The following FLT4 variants were observed in gnomAD, a reference collection of about 807,000 sequenced individuals.
FLT4 encodes the protein fms related receptor tyrosine kinase 4, also known as vascular endothelial growth factor receptor 3.
A neutral mutation model predicts 163.2 loss-of-function variants in FLT4; 30 were observed. The observed-to-expected ratio is 0.18, with a 90% CI of 0.14 to 0.25. FLT4 has a LOEUF of 0.25. FLT4 is among the 10% of genes least tolerant of loss of function. The pLI is 1.00. For missense variants in FLT4, 1,510 were observed against 1,863.8 expected (o/e 0.81, Z 3.50); for synonymous variants, 884 against 789.5 (o/e 1.12, Z -2.01).
chr5:180,650,123 G>T (rs1412317651), upstream of FLT4, among the ~76,000 whole-genome samples: 1 of 146,364 alleles, frequency 6.8e-6, no homozygotes, highest in Non-Finnish European at 1.5e-5. Context: ...GGGAGAAGGA[G>T]GTTGCAGTGA....
At position 180,630,480 on chromosome 5, in the gene FLT4, G is replaced by T. The variant is rs1764016114; in HGVS notation, c.400+75C>A. The T allele has an allele frequency of 6.2e-7, 1 of 1,601,182 alleles. No homozygotes were observed. The highest frequency in any genetic ancestry group is 1.7e-5 in the Admixed American group (1 of 59,274). ...CGTTCTCTCCTCCTGCCAGCCCAGG[G>T]TCCACAGGCTGGGGGCGGTGTGGGC... On this transcript the variant is annotated intron_variant, in intron 3 of 29. Coordinates refer to ENST00000261937, the MANE Select transcript of FLT4 (RefSeq NM_182925.5). This position sits in a 1 kb window ranked among gnomAD's most constrained non-coding sequence, Gnocchi z 6.3.
chr5:180,645,736 A>G (rs1765460828), intron 1 of FLT4, among the ~76,000 whole-genome samples: 1 of 152,166 alleles, frequency 6.6e-6, no homozygotes, highest in African/African-American at 2.4e-5. Context: ...GAATGCCCGC[A>G]TCTTCCTGCT....
At chr5:180,611,578 C>A in intron 26 of FLT4, 99 bp from the exon 27 acceptor site, 1 of 1,314,862 alleles carries the variant, frequency 7.6e-7, no homozygotes, top group Non-Finnish European at 1.1e-6. Context: ...TCAGCCCTCA[C>A]CCCCGCCCTC....
intron 10 of FLT4, 23 bp from the exon 11 acceptor site, chr5:180,624,084 G>C (rs1763404782): frequency 6.2e-7 from 1 of 1,608,748 alleles, no homozygotes; most frequent in African/African-American, 1.3e-5. Context: ...GAAGAGGCAA[G>C]GGCAGGTCAG....
rs1762423362 is a variant in FLT4, at chr5:180,614,050, A to T, written c.3331+18T>A. On this transcript the variant is annotated intron_variant, in intron 24 of 29. Coordinates refer to ENST00000261937, the MANE Select transcript of FLT4 (RefSeq NM_182925.5). Reference sequence around the variant, plus strand: ...GACCTCGCCTCCTCTCCCCACCGGCACCCCATCCTGCACTCACCCAGAGAG... The same window carrying T: ...GACCTCGCCTCCTCTCCCCACCGGCTCCCCATCCTGCACTCACCCAGAGAG... 2 of 1,559,946 alleles carry T rather than the reference A, an allele frequency of 1.3e-6. No homozygotes were observed. Among genetic ancestry groups the T allele is most frequent in the Admixed American group, 1.7e-5 (1 of 59,958 alleles).
intron 8 of FLT4, among the ~76,000 whole-genome samples, chr5:180,626,774 G>A (rs1019486536): frequency 2.0e-5 from 3 of 152,224 alleles, no homozygotes; most frequent in Non-Finnish European, 4.4e-5. Context: ...TCCTTGACAT[G>A]TGCGTGGCCC....
rs762440091 is a variant in FLT4 at position 180,620,225 on chromosome 5, G to A, written c.2490C>T (p.Tyr830=). The A allele has an allele frequency of 4.2e-5, 68 of 1,611,504 alleles. No individual in the cohort carries two copies. Among genetic ancestry groups the A allele is most frequent in the Non-Finnish European group, 5.7e-5 (67 of 1,179,984 alleles). Residue 830 remains tyrosine (Y), a synonymous_variant, in exon 17 of 30, where the codon TAC becomes TAT. Transcript: ENST00000261937. This position sits in a 1 kb window ranked among gnomAD's most constrained non-coding sequence, Gnocchi z 4.4. Reference sequence around the variant, plus strand: ...CCCACTGGCTGGCATCGTAGGACAGGTATTCGCATTGCTCCTCCAGAGGCA... The same window carrying A: ...CCCACTGGCTGGCATCGTAGGACAGATATTCGCATTGCTCCTCCAGAGGCA... ...GEVPLEEQCE[Y]LSYDASQWEF...
rs777487923 is a variant in FLT4 at position 180,621,524 on chromosome 5, C to G, written c.2020+18G>C. 2 of 1,610,518 alleles carry G rather than the reference C, an allele frequency of 1.2e-6. No homozygotes were observed. Among genetic ancestry groups the G allele is most frequent in the South Asian group, 2.2e-5 (2 of 90,902 alleles). On this transcript the variant is annotated intron_variant, in intron 13 of 29. Coordinates refer to ENST00000261937, the MANE Select transcript of FLT4 (RefSeq NM_182925.5). ...CTAGAAGAGAGCGCGTCCCCGCCCT[C>G]CCCGCGGCCAGCCTCACCCTGCACC...
At chr5:180,624,354 G>A (rs917571164) in intron 10 of FLT4, among the ~76,000 whole-genome samples, 1 of 151,840 alleles carries the variant, frequency 6.6e-6, no homozygotes, top group Admixed American at 6.6e-5. Flanking sequence ...AGCCTCCCAA[G>A]TAGCTGGGAT....
chr5:180,619,899 A>G lies in FLT4; in HGVS notation c.2543-130T>C, dbSNP rs1028692536. 6 of 727,768 alleles carry G rather than the reference A, an allele frequency of 8.2e-6. No individual in the cohort carries two copies. In the African/African-American group the frequency reaches 1.0e-4, roughly 13 times the overall value. 45.1% of individuals were successfully genotyped at this position (727,768 alleles called of 1,614,324 possible). On this transcript the variant is annotated intron_variant, in intron 17 of 29. Coordinates refer to ENST00000261937, the MANE Select transcript of FLT4 (RefSeq NM_182925.5). ...CAGCAGGAGGAGCGTGGGGAGCCAC[A>G]GCGGGAAGACAAGGAGAGGTGGACA...
intron 26 of FLT4, 46 bp from the exon 27 acceptor site, chr5:180,611,525 T>TGCCCTCAGCCCTCACCCCC: frequency 6.2e-7 from 1 of 1,607,064 alleles, no homozygotes. Context: ...CACCAGCCAC[T>TGCCCTCAGCCCTCACCCCC]GCCCTCAGCC....
intron 13 of FLT4, 124 bp downstream of exon 13, chr5:180,621,418 G>C (rs1298007629): frequency 6.2e-6 from 9 of 1,462,344 alleles, no homozygotes; most frequent in South Asian, 1.3e-5. Context: ...ATAGTCAGGA[G>C]GGGTAGCTCC....
intron 13 of FLT4, 141 bp downstream of exon 13, chr5:180,621,401 G>T: frequency 7.1e-7 from 1 of 1,415,462 alleles, no homozygotes; most frequent in Non-Finnish European, 9.5e-7. Context: ...TCCGCAGGGG[G>T]CGGCGGATAG....
chr5:180,616,435 C>T lies in FLT4; in HGVS notation c.3151G>A (p.Val1051Met). ...RNILLSESDV[V>M]KICDFGLARD... is the part of the protein sequence containing the mutation. ...GCAAGGCCAAAGTCACAGATCTTCA[C>T]CACGTCGCTTTCCGACAGCAGAATG... Residue 1051 changes from valine (V) to methionine (M), a missense_variant, in exon 23 of 30, where the codon GTG becomes ATG. Physicochemically the swap from Val to Met is conservative, Grantham distance 21. This residue lies in a region of FLT4 where 878 missense variants were observed against 1,016.7 expected (regional missense o/e 0.86). Transcript: ENST00000261937. The T allele has an allele frequency of 6.2e-7, 1 of 1,614,030 alleles. No homozygotes were observed. The highest frequency in any genetic ancestry group is 8.5e-7 in the Non-Finnish European group (1 of 1,180,012).
chr5:180,649,624 T>TGGGGC (rs908085275), upstream of FLT4: 34 of 642,670 alleles, frequency 5.3e-5, no homozygotes, highest in Admixed American at 2.1e-4. Context: ...CCGGCTGGCC[T>TGGGGC]GGGGCGGGGC....
intron 1 of FLT4, among the ~76,000 whole-genome samples, chr5:180,641,156 T>C (rs1031590859): frequency 2.1e-4 from 32 of 152,280 alleles, no homozygotes; most frequent in Middle Eastern, 6.8e-3. Context: ...TCCTCCCTCG[T>C]CCTCTGTGCC....
chr5:180,618,900 G>C lies in FLT4; in HGVS notation c.2871C>G (p.Arg957=), dbSNP rs1025503157. The part of the protein sequence containing the change: ...SPCAEKSPEQ[R]GRFRAMVELA... ...GCTCCACCATGGCGCGGAAGCGTCC[G>C]CGCTGCTCGGGAGACTTCTCCTGCG... Residue 957 remains arginine, a synonymous_variant, in exon 21 of 30, where the codon CGC becomes CGG. Transcript: ENST00000261937. 1 of 1,586,246 alleles carries C rather than the reference G, an allele frequency of 6.3e-7. No homozygotes were observed. The highest frequency in any genetic ancestry group is 1.3e-5 in the African/African-American group (1 of 74,628).
At chr5:180,604,409 C>T (rs1468312066) in intron 29 of FLT4, among the ~76,000 whole-genome samples, 1 of 152,234 alleles carries the variant, frequency 6.6e-6, no homozygotes, top group Non-Finnish European at 1.5e-5. Flanking sequence ...ATTCCTGGCC[C>T]TCCTGCGGAG....
intron 10 of FLT4, 92 bp downstream of exon 10, chr5:180,625,777 T>C: frequency 2.5e-6 from 3 of 1,201,892 alleles, no homozygotes; most frequent in Non-Finnish European, 3.6e-6. Context: ...AGGGAAGACC[T>C]GGGCAGTGAG....
Sources: gnomAD v4.1 joint callset for allele counts (sites outside exome capture counted in the v4.1 genomes callset) on GRCh38, gnomAD v4.1.1 for gene constraint, gnomAD v4.1.1 regional missense constraint, Gnocchi (gnomAD v3.1) non-coding constraint, MANE v1.5 for transcripts, NCBI Gene and HGNC (gene_info 2026-07-23, HGNC 2026-07-21) for gene names.